CELF2: variants seen among roughly 807,000 people sequenced by gnomAD.
The protein encoded by CELF2 is CUGBP Elav-like family member 2, also known as CUG triplet repeat RNA-binding protein 2.
CELF2 carries 8 observed loss-of-function variants against 62.6 expected under a neutral mutation model. That is an observed-to-expected ratio of 0.13 (90% CI 0.07 to 0.23). The LOEUF (loss-of-function observed/expected upper bound fraction) is 0.23, where lower values mean the gene tolerates loss of function less well. Among genes scored for constraint, CELF2 ranks in the 10% least tolerant of loss-of-function variants. The pLI is 1.00. For synonymous variants in CELF2, 258 were observed against 250.0 expected (o/e 1.03, Z -0.30); for missense variants, 333 against 671.0 (o/e 0.50, Z 5.56).
Position 10,928,355 on chromosome 10 carries a change from T to G in CELF2, c.89+8356T>G, listed in dbSNP as rs2065743400. On this transcript the variant is annotated intron_variant, in intron 2 of 13. Transcript: ENST00000636488. This position sits in a 1 kb window ranked among gnomAD's most constrained non-coding sequence, Gnocchi z 4.8. ...GGTCTCCTACTCTTTGTATGTGTTC[T>G]TCCTTCTATTTGAAAGCCCAGTGTC... Among the ~76,000 whole-genome samples the G allele has an allele frequency of 6.6e-6, 1 of 152,204 alleles. No homozygotes were observed. The highest frequency in any genetic ancestry group is 6.5e-5 in the Admixed American group (1 of 15,280).
rs745848953 is a variant in CELF2 at position 10,924,724 on chromosome 10, C to CTTTTTTTTTTTT, written c.89+4732_89+4743dup. 1.2e-3 allele frequency among the ~76,000 whole-genome samples: 111 copies of CTTTTTTTTTTTT among 89,148 alleles called. 12 individuals carry two copies. The highest frequency in any genetic ancestry group is 4.1e-3 in the African/African-American group (86 of 21,148). The allele number at this position is 89,148 out of a possible 152,430, so 58.5% of individuals were successfully genotyped here. A position where few individuals can be genotyped will look rare whatever the true frequency, so the allele number is the denominator to read the frequency against. The stretch of plus-strand genomic sequence containing the variant: ...GTATATTAATCCAGTAACTTGATCG[C>CTTTTTTTTTTTT]TTTTTTTTTTTTTTTTTTGCCTTCT... On this transcript the variant is annotated intron_variant, in intron 2 of 13. Coordinates refer to the CELF2 transcript ENST00000636488.
chr10:11,075,394 C>G lies in CELF2; in HGVS notation c.74+57231C>G, dbSNP rs535102961. ...AACTGCCCAGTAAAAAGATTATATT[C>G]TATTTTACAACCTTACTTATTCAGT... On this transcript the variant is annotated intron_variant, in intron 1 of 12. Transcript: ENST00000633077. The surrounding 1 kb of genome is among the most constrained non-coding windows in gnomAD (Gnocchi z 5.4). 6.6e-6 allele frequency: 1 copy of G among 152,210 alleles called. No homozygotes were observed. The highest frequency in any genetic ancestry group is 1.5e-5 in the Non-Finnish European group (1 of 68,006). The allele number at this position is 152,210 out of a possible 1,614,324, so 9.4% of individuals were successfully genotyped here. A position where few individuals can be genotyped will look rare whatever the true frequency, so the allele number is the denominator to read the frequency against.
At chr10:11,045,746 T>G (rs540519013) in intron 1 of CELF2, among the ~76,000 whole-genome samples, 12 of 152,074 alleles carry the variant, frequency 7.9e-5, no homozygotes, top group Non-Finnish European at 1.5e-4. Flanking sequence ...TCATTCCATT[T>G]GTTGAAAAAG....
intron 8 of CELF2, among the ~76,000 whole-genome samples, chr10:11,276,192 G>A (rs986731022): frequency 7.9e-5 from 12 of 151,838 alleles, no homozygotes; most frequent in Non-Finnish European, 1.2e-4. Flanking sequence ...AACTTTCCAG[G>A]GGGCTTCTCC....
chr10:11,323,314 C>T (rs2095542226), intron 11 of CELF2, among the ~76,000 whole-genome samples: 1 of 152,040 alleles, frequency 6.6e-6, no homozygotes, highest in Non-Finnish European at 1.5e-5. Flanking sequence ...TCATAACTCT[C>T]TTCTGATCCC....
intron 1 of CELF2, among the ~76,000 whole-genome samples, chr10:11,116,177 T>G (rs997577171): frequency 6.6e-6 from 1 of 152,244 alleles, no homozygotes; most frequent in Admixed American, 6.5e-5. Flanking sequence ...ATCGTAGAAA[T>G]GTACAAACCA....
At chr10:11,056,229 A>G (rs932104280) in intron 1 of CELF2, among the ~76,000 whole-genome samples, 8 of 152,224 alleles carry the variant, frequency 5.3e-5, no homozygotes, top group Admixed American at 6.5e-5. Context: ...TTCATTCTGC[A>G]TATAGAATAT....
chr10:10,671,726 A>G, the CELF2 span, among the ~76,000 whole-genome samples: 6 of 149,842 alleles, frequency 4.0e-5, no homozygotes, highest in Admixed American at 4.0e-4. Context: ...TGCCATCTGT[A>G]TGTCTTTTTT....
rs2096004919 is a variant in CELF2, at chr10:11,331,111, C to T, written c.*2058C>T. The stretch of plus-strand genomic sequence containing the variant: ...TTTGCTGAACTCACAGTTAGACAAT[C>T]CATGGTTTAATGCACATGAAATTAC... On this transcript the variant is annotated 3_prime_UTR_variant, in exon 13 of 13. Coordinates refer to ENST00000633077, the MANE Select transcript of CELF2 (RefSeq NM_001326342.2). 6.6e-6 allele frequency: 1 copy of T among 152,470 alleles called. No individual in the cohort carries two copies. Among genetic ancestry groups the T allele is most frequent in the South Asian group, 2.1e-4 (1 of 4,812 alleles). 9.4% of individuals were successfully genotyped at this position (152,470 alleles called of 1,614,324 possible).
At chr10:10,878,712 G>A (rs1431811621) in intron 1 of CELF2, among the ~76,000 whole-genome samples, 1 of 152,194 alleles carries the variant, frequency 6.6e-6, no homozygotes. Flanking sequence ...GTGGAGGAAA[G>A]AGTGTTTGTT....
intron 2 of CELF2, among the ~76,000 whole-genome samples, chr10:10,982,722 T>C (rs558020643): frequency 1.3e-5 from 2 of 152,324 alleles, no homozygotes; most frequent in East Asian, 1.9e-4. Flanking sequence ...CTAAGGCATA[T>C]TCATTTGGGC....
rs1224898367 is a variant in CELF2 at position 11,315,541 on chromosome 10, C to T, written c.1096+1283C>T. On this transcript the variant is annotated intron_variant, in intron 10 of 12. Transcript: ENST00000633077. This position sits in a 1 kb window ranked among gnomAD's most constrained non-coding sequence, Gnocchi z 5.8. ...ATTAACTTGTATAATCCTGATAAAT[C>T]ATTTTCAGAATTAGGACATTTTTCA... Among the ~76,000 whole-genome samples the T allele has an allele frequency of 6.6e-6, 1 of 152,120 alleles. No individual in the cohort carries two copies.
chr10:10,748,161 T>C, the CELF2 span, among the ~76,000 whole-genome samples: 8 of 152,010 alleles, frequency 5.3e-5, no homozygotes, highest in African/African-American at 1.7e-4. Flanking sequence ...CAATGTTCAA[T>C]AGCAGAGTAG....
intron 2 of CELF2, among the ~76,000 whole-genome samples, chr10:10,951,213 A>T (rs922321759): frequency 4.6e-5 from 7 of 152,076 alleles, no homozygotes; most frequent in African/African-American, 1.7e-4. Flanking sequence ...ATACGATCAT[A>T]GTTCTCAGCA....
the CELF2 span, among the ~76,000 whole-genome samples, chr10:10,471,103 G>A: frequency 1.9e-3 from 288 of 150,678 alleles, 3 homozygotes; most frequent in African/African-American, 6.6e-3. Flanking sequence ...TAATTTAATC[G>A]CATTTATCAG....
the CELF2 span, among the ~76,000 whole-genome samples, chr10:10,739,941 G>T: frequency 6.6e-6 from 1 of 151,964 alleles, no homozygotes; most frequent in Non-Finnish European, 1.5e-5. Context: ...CAGGTTATTT[G>T]TTTTTGTTAT....
chr10:10,708,759 C>T, the CELF2 span, among the ~76,000 whole-genome samples: 106,319 of 152,022 alleles, frequency 0.7, 37,661 homozygotes, highest in South Asian at 0.83. Flanking sequence ...CATACATATA[C>T]GATTGAAATA....
chr10:11,047,281 C>A (rs1271795318), intron 1 of CELF2, among the ~76,000 whole-genome samples: 1 of 152,118 alleles, frequency 6.6e-6, no homozygotes, highest in African/African-American at 2.4e-5. Flanking sequence ...CCCATGAGTT[C>A]AGTTTTGAGA....
At chr10:11,022,210 G>GT (rs778875459) in intron 1 of CELF2, among the ~76,000 whole-genome samples, 1 of 152,138 alleles carries the variant, frequency 6.6e-6, no homozygotes, top group Admixed American at 6.6e-5. Flanking sequence ...TTTTTGAAGT[G>GT]TTTTTTTCAG....
Sources: gnomAD v4.1 joint callset for allele counts (sites outside exome capture counted in the v4.1 genomes callset) on GRCh38, gnomAD v4.1.1 for gene constraint, Gnocchi (gnomAD v3.1) non-coding constraint, MANE v1.5 for transcripts, NCBI Gene and HGNC (gene_info 2026-07-23, HGNC 2026-07-21) for gene names.